TBC1D22A: variants seen among roughly 807,000 people sequenced by gnomAD.
TBC1D22A encodes putative GTPase activator.
A neutral mutation model predicts 60.2 loss-of-function variants in TBC1D22A; 38 were observed. The observed-to-expected ratio is 0.63, with a 90% CI of 0.49 to 0.83. TBC1D22A has a LOEUF of 0.83. Among genes scored for constraint, TBC1D22A ranks in the 40% least tolerant of loss-of-function variants. TBC1D22A has a pLI of 0.00. For synonymous variants in TBC1D22A, 302 were observed against 281.7 expected (o/e 1.07, Z -0.72); for missense variants, 628 against 701.0 (o/e 0.90, Z 1.18).
At chr22:46,908,335 C>T (rs1190173475) in intron 7 of TBC1D22A, among the ~76,000 whole-genome samples, 4 of 152,078 alleles carry the variant, frequency 2.6e-5, no homozygotes, top group Admixed American at 2.0e-4. Flanking sequence ...CTCTGAGGGG[C>T]GGACCTCAGG....
intron 4 of TBC1D22A, among the ~76,000 whole-genome samples, chr22:46,874,037 C>T (rs1252071320): frequency 1.3e-5 from 2 of 152,180 alleles, no homozygotes; most frequent in African/African-American, 4.8e-5. Flanking sequence ...GTCTCAATCT[C>T]CTGACCTCGT....
chr22:46,941,724 A>AAT (rs2072136185), intron 8 of TBC1D22A, among the ~76,000 whole-genome samples: 4 of 125,106 alleles, frequency 3.2e-5, no homozygotes, highest in African/African-American at 1.0e-4. Context: ...ATATACGCGG[A>AAT]ATGTATATAC....
At chr22:47,061,258 C>G (rs951399584) in intron 11 of TBC1D22A, among the ~76,000 whole-genome samples, 1 of 152,192 alleles carries the variant, frequency 6.6e-6, no homozygotes, top group African/African-American at 2.4e-5. Flanking sequence ...TCGGTGCCCT[C>G]ACCACCGTTC....
At chr22:47,138,604 G>A (rs1418164268) in intron 12 of TBC1D22A, among the ~76,000 whole-genome samples, 1 of 152,250 alleles carries the variant, frequency 6.6e-6, no homozygotes, top group African/African-American at 2.4e-5. Context: ...GAGCCCCCTT[G>A]GTGGGTCTTA....
At chr22:46,957,732 C>A (rs1401024299) in intron 8 of TBC1D22A, among the ~76,000 whole-genome samples, 1 of 152,208 alleles carries the variant, frequency 6.6e-6, no homozygotes, top group East Asian at 1.9e-4. Context: ...GCCAGAGACG[C>A]CATGCTGGGC....
chr22:47,119,760 G>A (rs768166297), intron 12 of TBC1D22A, among the ~76,000 whole-genome samples: 4 of 152,194 alleles, frequency 2.6e-5, no homozygotes, highest in Non-Finnish European at 5.9e-5. Flanking sequence ...CTCCCAAAAT[G>A]CTGGGATTAC....
At chr22:47,128,514 G>A (rs1405920305) in intron 12 of TBC1D22A, among the ~76,000 whole-genome samples, 1 of 148,858 alleles carries the variant, frequency 6.7e-6, no homozygotes, top group African/African-American at 2.5e-5. Flanking sequence ...GATCCCAGGT[G>A]TGCTGTGATC....
At chr22:46,960,382 C>T (rs964525133) in intron 8 of TBC1D22A, among the ~76,000 whole-genome samples, 4 of 152,074 alleles carry the variant, frequency 2.6e-5, no homozygotes, top group Non-Finnish European at 5.9e-5. Flanking sequence ...CTGCATCAGC[C>T]TCCTGAGTAG....
chr22:46,943,088 G>T (rs1481631775), intron 8 of TBC1D22A, among the ~76,000 whole-genome samples: 1 of 152,172 alleles, frequency 6.6e-6, no homozygotes, highest in African/African-American at 2.4e-5. Context: ...ACTTCCGCAG[G>T]TGTCAGTGCA....
intron 4 of TBC1D22A, among the ~76,000 whole-genome samples, chr22:46,841,222 A>G (rs1336261499): frequency 6.6e-6 from 1 of 152,198 alleles, no homozygotes; most frequent in African/African-American, 2.4e-5. Flanking sequence ...ATGAAGGTGG[A>G]GCCCTCATGG....
Position 46,868,745 on chromosome 22 carries a change from C to A in TBC1D22A, c.638-9908C>A, listed in dbSNP as rs143371020. On this transcript the variant is annotated intron_variant, in intron 4 of 12. Transcript: ENST00000337137. ...CTACTCTGAAGCAGAGGGTTTAACT[C>A]TCTTACCATGCTTCTTCCTCTTCTC... Among the ~76,000 whole-genome samples the A allele has an allele frequency of 3.2e-3, 481 of 152,346 alleles. 1 individual carries two copies. Among genetic ancestry groups the A allele is most frequent in the South Asian group, 0.015 (71 of 4,828 alleles).
intron 1 of TBC1D22A, among the ~76,000 whole-genome samples, chr22:46,775,657 T>C (rs1329536895): frequency 6.6e-6 from 1 of 152,170 alleles, no homozygotes; most frequent in African/African-American, 2.4e-5. Context: ...TGAGTTAGTT[T>C]TGTGTTCCAA....
At chr22:46,941,195 A>C (rs2072017703) in intron 8 of TBC1D22A, among the ~76,000 whole-genome samples, 1 of 122,456 alleles carries the variant, frequency 8.2e-6, no homozygotes, top group Non-Finnish European at 1.6e-5. Flanking sequence ...ATATATATAT[A>C]TGTATATATG....
At chr22:46,906,136 G>A (rs779299316) in intron 7 of TBC1D22A, among the ~76,000 whole-genome samples, 4 of 151,176 alleles carry the variant, frequency 2.6e-5, no homozygotes, top group Non-Finnish European at 5.9e-5. Flanking sequence ...GCACAGCAGT[G>A]ATGGGAGAAA....
intron 1 of TBC1D22A, among the ~76,000 whole-genome samples, chr22:46,782,399 T>C (rs757221246): frequency 1.2e-4 from 18 of 152,206 alleles, no homozygotes; most frequent in Non-Finnish European, 2.4e-4. Flanking sequence ...TGGTCAGCCA[T>C]CTCGAGCCTT....
At chr22:46,977,226 T>TA (rs371978679) in intron 9 of TBC1D22A, among the ~76,000 whole-genome samples, 1 of 152,226 alleles carries the variant, frequency 6.6e-6, no homozygotes, top group East Asian at 1.9e-4. Context: ...CTATTTTTTT[T>TA]ACCTTTGGAT....
Position 47,016,307 on chromosome 22 carries a change from T to C in TBC1D22A, c.1201+18598T>C, listed in dbSNP as rs145765641. Reference sequence around the variant, plus strand: ...AGGGTAGCCCAGACCCTGCTGTGGGTGCCATCATCCTGGCGGGCACGTGCT... The same window carrying C: ...AGGGTAGCCCAGACCCTGCTGTGGGCGCCATCATCCTGGCGGGCACGTGCT... On this transcript the variant is annotated intron_variant, in intron 10 of 12. Coordinates refer to ENST00000337137, the MANE Select transcript of TBC1D22A (RefSeq NM_014346.5). Among the ~76,000 whole-genome samples the C allele has an allele frequency of 6.6e-3, 998 of 152,210 alleles. 10 individuals are homozygous for C. Among genetic ancestry groups the C allele is most frequent in the Non-Finnish European group, 0.011 (732 of 68,000 alleles).
At chr22:47,105,632 A>T (rs958229126) in intron 11 of TBC1D22A, among the ~76,000 whole-genome samples, 1 of 152,224 alleles carries the variant, frequency 6.6e-6, no homozygotes, top group Admixed American at 6.5e-5. Flanking sequence ...ATTCACATGG[A>T]TTGGGGGAGC....
At chr22:47,005,984 AG>A (rs2061579413) in intron 10 of TBC1D22A, among the ~76,000 whole-genome samples, 1 of 151,984 alleles carries the variant, frequency 6.6e-6, no homozygotes, top group African/African-American at 2.4e-5. Context: ...ACCTACACAC[AG>A]TCCCGTATAC....
Sources: allele counts gnomAD v4.1 joint callset (sites outside exome capture counted in the v4.1 genomes callset), GRCh38; gene constraint gnomAD v4.1.1; transcripts MANE v1.5; gene names NCBI Gene and HGNC (gene_info 2026-07-23, HGNC 2026-07-21).